The following UBE2G1 variants were observed in gnomAD, a reference collection of about 807,000 sequenced individuals.
The protein encoded by UBE2G1 is ubiquitin conjugating enzyme E2 G1.
In UBE2G1, 5 loss-of-function variants were observed where a neutral mutation model predicts 22.7. The ratio of observed to expected loss-of-function variants is 0.22; its 90% CI spans 0.12 to 0.46. The LOEUF is 0.46. Among genes scored for constraint, UBE2G1 ranks in the 20% least tolerant of loss-of-function variants. The pLI, the probability that UBE2G1 is intolerant of heterozygous loss-of-function variation, is 0.99. For missense variants in UBE2G1, 88 were observed against 203.9 expected (o/e 0.43, Z 3.46); for synonymous variants, 74 against 67.5 (o/e 1.10, Z -0.47).
intron 1 of UBE2G1, among the ~76,000 whole-genome samples, chr17:4,312,159 G>A (rs1276080348): frequency 6.6e-6 from 1 of 151,428 alleles, no homozygotes; most frequent in African/African-American, 2.4e-5. Context: ...AGAATCGCTT[G>A]AACCCAGGAG....
At position 4,274,177 on chromosome 17, in the gene UBE2G1, T is replaced by A. The variant is rs146048128; in HGVS notation, c.*38-1661A>T. Among the ~76,000 whole-genome samples the A allele has an allele frequency of 3.6e-3, 517 of 141,668 alleles. 5 individuals are homozygous for A. Among genetic ancestry groups the A allele is most frequent in the African/African-American group, 0.013 (475 of 37,812 alleles). The allele number at this position is 141,668 out of a possible 152,430, so 92.9% of individuals were successfully genotyped here. A position where few individuals can be genotyped will look rare whatever the true frequency, so the allele number is the denominator to read the frequency against. ...TTGTATTTTTAGTACAGATGGGGTT[T>A]CATCCTGTTAGCCAGGATGGTCTTT... is the stretch of plus-strand genomic sequence containing the variant. On this transcript the variant is annotated intron_variant, in intron 5 of 5. Coordinates refer to ENST00000396981, the MANE Select transcript of UBE2G1 (RefSeq NM_003342.5).
intron 3 of UBE2G1, among the ~76,000 whole-genome samples, chr17:4,293,849 A>G (rs1480360743): frequency 6.6e-6 from 1 of 152,236 alleles, no homozygotes; most frequent in Non-Finnish European, 1.5e-5. Flanking sequence ...CCCTTCCTGC[A>G]ACACTATTCT....
rs574009463 is a variant in UBE2G1, at chr17:4,363,611, G to A, written c.46+2660C>T. Among the ~76,000 whole-genome samples the A allele has an allele frequency of 5.9e-5, 9 of 152,190 alleles. 1 individual carries two copies. The South Asian group carries it at 1.9e-3, about 32-fold the overall frequency. On this transcript the variant is annotated intron_variant, in intron 1 of 5. Coordinates refer to ENST00000396981, the MANE Select transcript of UBE2G1 (RefSeq NM_003342.5). ...TATCTTATTTTACTTTCTTAGTAAT[G>A]CATAACTTCTTTCACACCTTTTAAA...
chr17:4,337,679 T>G (rs1243371687), intron 1 of UBE2G1, among the ~76,000 whole-genome samples: 3 of 142,002 alleles, frequency 2.1e-5, no homozygotes, highest in Admixed American at 7.0e-5. Context: ...AAAGAAAAAA[T>G]AAAAAGAAGA....
chr17:4,307,006 T>C lies in UBE2G1; in HGVS notation c.149+15A>G. On this transcript the variant is annotated intron_variant, in intron 2 of 5. Transcript: ENST00000396981. Reference sequence around the variant, plus strand: ...AAGAGCTCCATTTTGAAGATGTCAGTTCCATTATACTTACTAAAGTGTATC... The same window carrying C: ...AAGAGCTCCATTTTGAAGATGTCAGCTCCATTATACTTACTAAAGTGTATC... The C allele has an allele frequency of 6.2e-7, 1 of 1,604,644 alleles. No homozygotes were observed. The highest frequency in any genetic ancestry group is 8.5e-7 in the Non-Finnish European group (1 of 1,172,146).
intron 1 of UBE2G1, among the ~76,000 whole-genome samples, chr17:4,343,335 T>C (rs1298113778): frequency 2.6e-5 from 4 of 152,050 alleles, no homozygotes; most frequent in African/African-American, 9.7e-5. Context: ...CTCACGCCTG[T>C]AATCCCAGCA....
At chr17:4,307,833 A>G (rs1286332927) in intron 1 of UBE2G1, among the ~76,000 whole-genome samples, 1 of 152,128 alleles carries the variant, frequency 6.6e-6, no homozygotes, top group Non-Finnish European at 1.5e-5. Context: ...TGGAGAAAGG[A>G]TGACAGGGTG....
chr17:4,274,220 C>T (rs1968794559), intron 5 of UBE2G1, among the ~76,000 whole-genome samples: 7 of 109,004 alleles, frequency 6.4e-5, no homozygotes, highest in Admixed American at 3.4e-4. Flanking sequence ...TTTTTTGAGA[C>T]AGAGTCTTGC....
At chr17:4,277,792 C>CA (rs5818942) in intron 5 of UBE2G1, among the ~76,000 whole-genome samples, 138,329 of 152,202 alleles carry the variant, frequency 0.91, 64,367 homozygotes, top group East Asian at 1. Context: ...ACTGAAAACA[C>CA]AAAAAATACT....
chr17:4,300,807 T>A (rs1013570069), intron 2 of UBE2G1, among the ~76,000 whole-genome samples: 2 of 149,400 alleles, frequency 1.3e-5, no homozygotes, highest in African/African-American at 4.9e-5. Context: ...TACTAAAAAC[T>A]ACAAAAATTA....
At chr17:4,327,670 C>A (rs1969518260) in intron 1 of UBE2G1, among the ~76,000 whole-genome samples, 1 of 152,066 alleles carries the variant, frequency 6.6e-6, no homozygotes, top group African/African-American at 2.4e-5. Flanking sequence ...GTCCAATATA[C>A]ATATCAGAAG....
At chr17:4,311,855 A>T (rs1195280894) in intron 1 of UBE2G1, among the ~76,000 whole-genome samples, 1 of 152,222 alleles carries the variant, frequency 6.6e-6, no homozygotes, top group Non-Finnish European at 1.5e-5. Context: ...CATTCACTGA[A>T]ATGAGAAACA....
chr17:4,288,034 A>C (rs570338355), intron 4 of UBE2G1, among the ~76,000 whole-genome samples: 1 of 152,348 alleles, frequency 6.6e-6, no homozygotes, highest in East Asian at 1.9e-4. Context: ...TTCTTAGGGA[A>C]CAGATCCTGA....
At chr17:4,306,840 T>C (rs1033166040) in intron 2 of UBE2G1, among the ~76,000 whole-genome samples, 181 bp downstream of exon 2, 5 of 152,150 alleles carry the variant, frequency 3.3e-5, no homozygotes, top group Middle Eastern at 3.4e-3. Flanking sequence ...TTAGTAGAGA[T>C]GGGGTTTCAC....
intron 1 of UBE2G1, among the ~76,000 whole-genome samples, chr17:4,316,452 T>C (rs1053959082): frequency 3.3e-5 from 5 of 152,130 alleles, no homozygotes; most frequent in Non-Finnish European, 5.9e-5. Flanking sequence ...AACATAAAAA[T>C]GCCACAAACC....
chr17:4,271,515 G>A lies in UBE2G1; in HGVS notation c.*1039C>T, dbSNP rs190845191. ...ATCAAATTACATGAAAATATACATC[G>A]CAATTTCTTTGTACAATAGGTGAGA... On this transcript the variant is annotated 3_prime_UTR_variant, in exon 6 of 6. Transcript: ENST00000396981. The A allele has an allele frequency of 6.6e-6, 1 of 151,442 alleles. No individual in the cohort carries two copies. The highest frequency in any genetic ancestry group is 1.5e-5 in the Non-Finnish European group (1 of 67,822). 9.4% of individuals were successfully genotyped at this position (151,442 alleles called of 1,614,324 possible). A position where few individuals can be genotyped will look rare whatever the true frequency, so the allele number is the denominator to read the frequency against.
chr17:4,278,983 A>G (rs546340761), intron 5 of UBE2G1, among the ~76,000 whole-genome samples: 170 of 152,276 alleles, frequency 1.1e-3, no homozygotes, highest in African/African-American at 4.0e-3. Flanking sequence ...TGAAAAATAC[A>G]AAAGCCCATG....
At chr17:4,350,112 T>C (rs1259502018) in intron 1 of UBE2G1, among the ~76,000 whole-genome samples, 1 of 152,070 alleles carries the variant, frequency 6.6e-6, no homozygotes, top group East Asian at 1.9e-4. Context: ...CAGAATCTTC[T>C]TATATACAAA....
Position 4,346,433 on chromosome 17 carries a change from T to TC in UBE2G1, c.46+19837_46+19838insG, listed in dbSNP as rs201037215. On this transcript the variant is annotated intron_variant, in intron 1 of 5. Coordinates refer to ENST00000396981, the MANE Select transcript of UBE2G1 (RefSeq NM_003342.5). ...TATACAGCTTACATTTTCTTCTTCT[T>TC]TTTTTTTTTTTTTTTTTTTGAGACA... Among the ~76,000 whole-genome samples the TC allele has an allele frequency of 1.6e-3, 83 of 50,564 alleles. No individual in the cohort carries two copies. In the South Asian group the frequency reaches 0.031, roughly 19 times the overall value. 33.2% of individuals were successfully genotyped at this position (50,564 alleles called of 152,430 possible). A position where few individuals can be genotyped will look rare whatever the true frequency, so the allele number is the denominator to read the frequency against.
Sources: gnomAD v4.1 joint callset for allele counts (sites outside exome capture counted in the v4.1 genomes callset) on GRCh38, gnomAD v4.1.1 for gene constraint, MANE v1.5 for transcripts, NCBI Gene and HGNC (gene_info 2026-07-23, HGNC 2026-07-21) for gene names.